The following CFAP77 variants were observed in gnomAD, a reference collection of about 807,000 sequenced individuals.
The protein encoded by CFAP77 is cilia and flagella associated protein 77.
CFAP77 carries 25 observed loss-of-function variants against 31.1 expected under a neutral mutation model. The observed-to-expected ratio is 0.80, with a 90% CI of 0.59 to 1.12. The LOEUF (loss-of-function observed/expected upper bound fraction) is 1.12. Ranked by LOEUF, CFAP77 falls within the 50% of genes most tolerant of loss-of-function variation. The probability of loss-of-function intolerance (pLI) is 0.00; values close to 1 mark genes in which losing one functional copy is unlikely to be tolerated. For missense variants in CFAP77, 377 were observed against 397.3 expected (o/e 0.95, Z 0.44); for synonymous variants, 151 against 159.9 (o/e 0.94, Z 0.42).
At chr9:132,557,502 C>T (rs974986928) in intron 5 of CFAP77, among the ~76,000 whole-genome samples, 2 of 152,196 alleles carry the variant, frequency 1.3e-5, no homozygotes, top group African/African-American at 4.8e-5. Flanking sequence ...GTTTTAGGGT[C>T]AAGCTCAAGA....
chr9:132,502,271 T>A (rs1487628224), intron 3 of CFAP77, among the ~76,000 whole-genome samples: 2,669 of 131,856 alleles, frequency 0.02, 87 homozygotes, highest in African/African-American at 0.074. Context: ...ATATATTTTT[T>A]TTTTTTGGGG....
intron 1 of CFAP77, among the ~76,000 whole-genome samples, chr9:132,477,021 C>T (rs1411610662): frequency 6.6e-6 from 1 of 152,192 alleles, no homozygotes; most frequent in Non-Finnish European, 1.5e-5. Context: ...GTGACGCCAA[C>T]CTCCTCTGGT....
intron 5 of CFAP77, among the ~76,000 whole-genome samples, chr9:132,551,103 G>T (rs1852813663): frequency 6.6e-6 from 1 of 151,862 alleles, no homozygotes; most frequent in African/African-American, 2.4e-5. Flanking sequence ...CCTAGGAAAT[G>T]ATGCCTTAGG....
rs1851547778 is a variant in CFAP77, at chr9:132,486,073, TATATATATATATA to T, written c.196-12621_196-12609del. 7.7e-4 allele frequency among the ~76,000 whole-genome samples: 13 copies of T among 16,980 alleles called. 2 individuals are homozygous for T. Among genetic ancestry groups the T allele is most frequent in the African/African-American group, 5.2e-3 (12 of 2,312 alleles). The allele number at this position is 16,980 out of a possible 152,430, so 11.1% of individuals were successfully genotyped here. ...ATATGTATGTGTGTGTGTGTATATA[TATATATATATATA>T]TATATTTTTTTTTTTTTTTTTTTTG... On this transcript the variant is annotated intron_variant, in intron 1 of 5. Coordinates refer to ENST00000393216, the MANE Select transcript of CFAP77 (RefSeq NM_001282957.2).
intron 5 of CFAP77, among the ~76,000 whole-genome samples, chr9:132,549,901 G>A (rs567617068): frequency 1.3e-5 from 2 of 152,294 alleles, no homozygotes; most frequent in East Asian, 3.9e-4. Context: ...GCACCTCAGA[G>A]GTATAGAATT....
intron 3 of CFAP77, among the ~76,000 whole-genome samples, chr9:132,504,438 A>G (rs1238750075): frequency 1.3e-5 from 2 of 152,242 alleles, no homozygotes; most frequent in African/African-American, 2.4e-5. Context: ...TGCTGGCTGT[A>G]TCTTCTGTGA....
chr9:132,512,957 AATAG>A (rs1373531274), intron 3 of CFAP77, among the ~76,000 whole-genome samples: 1 of 152,194 alleles, frequency 6.6e-6, no homozygotes, highest in African/African-American at 2.4e-5. Flanking sequence ...CAAATAAATA[AATAG>A]ATAGAGATGA....
At chr9:132,493,366 A>G (rs940660769) in intron 1 of CFAP77, among the ~76,000 whole-genome samples, 3 of 152,230 alleles carry the variant, frequency 2.0e-5, no homozygotes, top group African/African-American at 7.2e-5. Context: ...TCTAAGAAAC[A>G]TAGACCAGAG....
intron 1 of CFAP77, among the ~76,000 whole-genome samples, chr9:132,450,730 T>A (rs1296729158): frequency 6.6e-6 from 1 of 152,164 alleles, no homozygotes; most frequent in African/African-American, 2.4e-5. Flanking sequence ...TTAAAGATGT[T>A]AAGTGGGGCA....
At chr9:132,493,917 C>T (rs1327790866) in intron 1 of CFAP77, among the ~76,000 whole-genome samples, 1 of 143,046 alleles carries the variant, frequency 7.0e-6, no homozygotes, top group Non-Finnish European at 1.5e-5. Context: ...CTTCCTTTCT[C>T]TCTCTTTCTT....
chr9:132,551,538 C>G (rs902657503), intron 5 of CFAP77, among the ~76,000 whole-genome samples: 4 of 152,214 alleles, frequency 2.6e-5, no homozygotes, highest in Non-Finnish European at 4.4e-5. Flanking sequence ...TCCAGTGATC[C>G]GCCCACCTTG....
chr9:132,519,683 A>ATGGATGG (rs1852229257), intron 3 of CFAP77, among the ~76,000 whole-genome samples: 2 of 14,278 alleles, frequency 1.4e-4, no homozygotes, highest in African/African-American at 6.2e-4. Context: ...TGGATGGATG[A>ATGGATGG]GTGGGTGGGT....
In CFAP77 at chr9:132,499,678, T is replaced by G. The variant is rs1399383786; in HGVS notation, c.524+78T>G. ...CTCAATCAGGGACAAGGTCGGAGGG[T>G]GACAGGGAAGTGGAGCATCCTCCCA... is the stretch of plus-strand genomic sequence containing the variant. On this transcript the variant is annotated intron_variant, in intron 3 of 5. Coordinates refer to ENST00000393216, the MANE Select transcript of CFAP77 (RefSeq NM_001282957.2). The surrounding 1 kb of genome is among the most constrained non-coding windows in gnomAD (Gnocchi z 5.4). 2.2e-6 allele frequency: 3 copies of G among 1,359,120 alleles called. No homozygotes were observed. The highest frequency in any genetic ancestry group is 3.1e-6 in the Non-Finnish European group (3 of 957,676). 84.2% of individuals were successfully genotyped at this position (1,359,120 alleles called of 1,614,324 possible).
rs1193968732 is a variant in CFAP77, at chr9:132,483,936, CTT to C, written c.196-14742_196-14741del. Reference sequence around the variant, plus strand: ...CATCTCCTTCCTGTGGAGGTATTGTCTTTTTTTTTTTTTTTTTTGAGACACAT... The same window carrying C: ...CATCTCCTTCCTGTGGAGGTATTGTCTTTTTTTTTTTTTTTTGAGACACAT... On this transcript the variant is annotated intron_variant, in intron 1 of 5. Coordinates refer to ENST00000393216, the MANE Select transcript of CFAP77 (RefSeq NM_001282957.2). Among the ~76,000 whole-genome samples the C allele has an allele frequency of 7.7e-4, 102 of 132,910 alleles. No homozygotes were observed. In the East Asian group the frequency reaches 0.01, roughly 14 times the overall value. 87.2% of individuals were successfully genotyped at this position (132,910 alleles called of 152,430 possible). A position where few individuals can be genotyped will look rare whatever the true frequency, so the allele number is the denominator to read the frequency against.
chr9:132,506,099 C>T (rs1371132423), intron 3 of CFAP77, among the ~76,000 whole-genome samples: 2 of 152,234 alleles, frequency 1.3e-5, no homozygotes, highest in Non-Finnish European at 2.9e-5. Flanking sequence ...GATTTCTATC[C>T]AGTCTGGCAG....
At chr9:132,440,747 G>A (rs1002620668) in intron 1 of CFAP77, among the ~76,000 whole-genome samples, 4 of 152,194 alleles carry the variant, frequency 2.6e-5, no homozygotes, top group African/African-American at 7.2e-5. Flanking sequence ...TATTTCTGTC[G>A]TCATTTGAGA....
intron 1 of CFAP77, among the ~76,000 whole-genome samples, chr9:132,459,678 G>A (rs1295193941): frequency 4.6e-5 from 7 of 151,506 alleles, no homozygotes; most frequent in Admixed American, 4.6e-4. Context: ...GCATATTTAT[G>A]TGTATATGTG....
chr9:132,446,561 A>C (rs1251923545), intron 1 of CFAP77, among the ~76,000 whole-genome samples: 1 of 152,008 alleles, frequency 6.6e-6, no homozygotes, highest in East Asian at 1.9e-4. Flanking sequence ...TAACATGGTG[A>C]AACCCCGTCT....
rs908219674 is a variant in CFAP77 at position 132,560,449 on chromosome 9, G to A, written c.733-11939G>A. ...GGGACTGGTGTTACCCAATTATTTT[G>A]CTCCTAGCGTCTAGCAAACAGCTTC... On this transcript the variant is annotated intron_variant, in intron 5 of 5. Coordinates refer to ENST00000393216, the MANE Select transcript of CFAP77 (RefSeq NM_001282957.2). Among the ~76,000 whole-genome samples the A allele has an allele frequency of 3.3e-5, 5 of 152,182 alleles. 2 individuals are homozygous for A. In the South Asian group the frequency reaches 1.0e-3, roughly 31 times the overall value.
Sources: gnomAD v4.1 joint callset for allele counts (sites outside exome capture counted in the v4.1 genomes callset) on GRCh38, gnomAD v4.1.1 for gene constraint, Gnocchi (gnomAD v3.1) non-coding constraint, MANE v1.5 for transcripts, NCBI Gene and HGNC (gene_info 2026-07-23, HGNC 2026-07-21) for gene names.